VASN: variants seen among roughly 807,000 people sequenced by gnomAD.
The protein encoded by VASN is vasorin.
VASN carries 5 observed loss-of-function variants against 4.8 expected under a neutral mutation model. The ratio of observed to expected loss-of-function variants is 1.03; its 90% confidence interval spans 0.54 to 2.17. The LOEUF is 2.17. Among genes scored for constraint, VASN ranks in the 30% most tolerant of loss-of-function variants. VASN has a pLI of 0.01. For missense variants in VASN, 927 were observed against 948.8 expected (o/e 0.98, Z 0.30); for synonymous variants, 499 against 460.8 (o/e 1.08, Z -1.06).
chr16:4,377,031 C>T (rs975493182), intron 1 of VASN, among the ~76,000 whole-genome samples: 19 of 152,160 alleles, frequency 1.2e-4, no homozygotes, highest in Admixed American at 6.5e-4. Context: ...ACAGGCACCA[C>T]GAGCACCACG....
rs984952949 is a variant in VASN, at chr16:4,374,449, C to T, written c.-10+2456C>T. On this transcript the variant is annotated intron_variant, in intron 1 of 1. Transcript: ENST00000304735. ...GTTATTCTTCAGGGTTCGGGACGGC[C>T]CCCACCAGACTCTTCGTGGGGAATG... Among the ~76,000 whole-genome samples the T allele has an allele frequency of 4.6e-5, 7 of 152,196 alleles. No homozygotes were observed. In the South Asian group the frequency reaches 1.5e-3, roughly 32 times the overall value.
chr16:4,380,410 G>T, intron 1 of VASN, among the ~76,000 whole-genome samples: 1 of 152,248 alleles, frequency 6.6e-6, no homozygotes, highest in South Asian at 2.1e-4. Context: ...ACGGAGCGTG[G>T]CAGCAGGAGC....
chr16:4,374,086 CGT>C (rs112578905), intron 1 of VASN, among the ~76,000 whole-genome samples: 33 of 148,674 alleles, frequency 2.2e-4, no homozygotes, highest in South Asian at 6.4e-4. Context: ...GGAGGGTGCA[CGT>C]GTGTGTGTGT....
rs1315054344 is a variant in VASN at position 4,382,125 on chromosome 16, T to G, written c.1248T>G (p.Asn416Lys). The change falls in exon 2 of 2, where the codon AAT becomes AAG. Residue 416 changes from asparagine to lysine, a missense_variant. Physicochemically the swap from Asn to Lys is moderately conservative, Grantham distance 94. Coordinates refer to ENST00000304735, the MANE Select transcript of VASN (RefSeq NM_138440.3). ...PQDCPPSTCL[N>K]GGTCHLGTRH... ...ACTGCCCACCGTCCACCTGCCTCAA[T>G]GGGGGCACATGCCACCTGGGGACAC... The G allele has an allele frequency of 1.9e-6, 3 of 1,588,726 alleles. No individual in the cohort carries two copies. The highest frequency in any genetic ancestry group is 1.7e-6 in the Non-Finnish European group (2 of 1,168,028).
Position 4,382,619 on chromosome 16 carries a change from CCCTGGCCGCGGTGCT to C in VASN, c.1753_1767del (p.Val585_Ala589del), listed in dbSNP as rs745554472. On this transcript the variant is annotated inframe_deletion, in exon 2 of 2. Transcript: ENST00000304735. The stretch of plus-strand genomic sequence containing the variant: ...AACCTGCCGCTCCTCATTGCGCCCG[CCCTGGCCGCGGTGCT>C]CCTGGCCGCGCTGGCTGCGGTGGGG... 35 of 1,577,958 alleles carry C rather than the reference CCCTGGCCGCGGTGCT, an allele frequency of 2.2e-5. No homozygotes were observed. Among genetic ancestry groups the C allele is most frequent in the South Asian group, 3.5e-5 (3 of 86,870 alleles).
chr16:4,379,426 A>T (rs2054872085), intron 1 of VASN, among the ~76,000 whole-genome samples: 1 of 151,960 alleles, frequency 6.6e-6, no homozygotes, highest in Non-Finnish European at 1.5e-5. Flanking sequence ...TAAGATCTGG[A>T]GCCTGGAGCG....
Position 4,383,052 on chromosome 16 carries a change from A to G in VASN, c.*153A>G, listed in dbSNP as rs995105135. On this transcript the variant is annotated 3_prime_UTR_variant, in exon 2 of 2. Transcript: ENST00000304735. The stretch of plus-strand genomic sequence containing the variant: ...CACAGCTGGGCCCTGTTCCCTCTGG[A>G]CCTCGGTCTCCTCATCTGTGAGATG... The G allele has an allele frequency of 5.2e-5, 43 of 833,962 alleles. No homozygotes were observed. The highest frequency in any genetic ancestry group is 6.6e-5 in the Non-Finnish European group (37 of 558,898). 51.7% of individuals were successfully genotyped at this position (833,962 alleles called of 1,614,324 possible). A position where few individuals can be genotyped will look rare whatever the true frequency, so the allele number is the denominator to read the frequency against.
intron 1 of VASN, among the ~76,000 whole-genome samples, chr16:4,376,290 C>T (rs1364682113): frequency 6.6e-6 from 1 of 152,216 alleles, no homozygotes; most frequent in African/African-American, 2.4e-5. Flanking sequence ...GCCAGCCGTC[C>T]TGGCCGCCGG....
rs139029570 is a variant in VASN at position 4,377,446 on chromosome 16, C to T, written c.-9-3423C>T. On this transcript the variant is annotated intron_variant, in intron 1 of 1. Transcript: ENST00000304735. ...AGCACACGCCCAGACCCCAGGCGGGCGGGACAGCTCCCAGAACTTGTTAAA... is the reference window on the plus strand; with the variant it reads ...AGCACACGCCCAGACCCCAGGCGGGTGGGACAGCTCCCAGAACTTGTTAAA... 2.0e-3 allele frequency among the ~76,000 whole-genome samples: 307 copies of T among 152,184 alleles called. 2 individuals carry two copies. Among genetic ancestry groups the T allele is most frequent in the African/African-American group, 6.8e-3 (283 of 41,492 alleles).
chr16:4,378,581 AG>A (rs1442176790), intron 1 of VASN, among the ~76,000 whole-genome samples: 2 of 152,070 alleles, frequency 1.3e-5, no homozygotes, highest in Non-Finnish European at 2.9e-5. Context: ...AGAGAAGGCT[AG>A]GGGTGTGGCC....
chr16:4,383,221 T>A lies in VASN; in HGVS notation c.*322T>A, dbSNP rs2055066253. 2 of 327,208 alleles carry A rather than the reference T, an allele frequency of 6.1e-6. No individual in the cohort carries two copies. The highest frequency in any genetic ancestry group is 1.2e-5 in the Non-Finnish European group (2 of 171,744). 20.3% of individuals were successfully genotyped at this position (327,208 alleles called of 1,614,324 possible). On this transcript the variant is annotated 3_prime_UTR_variant, in exon 2 of 2. Transcript: ENST00000304735. ...AACGCATGCCTGGGCCCTGCTGGGC[T>A]CTCCCACTCCAGGCGGACCCTGGGG...
chr16:4,382,083 T>C lies in VASN; in HGVS notation c.1206T>C (p.Pro402=), dbSNP rs1481919834. ...PPSTAPPTVG[P]VPQPQDCPPS... is the part of the protein sequence containing the mutation. ...CCACTGCCCCACCGACTGTAGGGCC[T>C]GTCCCCCAGCCCCAGGACTGCCCAC... Residue 402 remains proline (P), a synonymous_variant, in exon 2 of 2, where the codon CCT becomes CCC. Transcript: ENST00000304735. The C allele has an allele frequency of 1.9e-6, 3 of 1,583,442 alleles. No individual in the cohort carries two copies. Among genetic ancestry groups the C allele is most frequent in the Non-Finnish European group, 2.6e-6 (3 of 1,166,448 alleles).
chr16:4,376,149 G>A (rs2141229023), intron 1 of VASN, among the ~76,000 whole-genome samples: 1 of 152,294 alleles, frequency 6.6e-6, no homozygotes, highest in East Asian at 1.9e-4. Flanking sequence ...AGCCCTCTCT[G>A]CCCCTTCTGT....
intron 1 of VASN, 116 bp from the exon 2 acceptor site, chr16:4,380,753 G>A: frequency 8.4e-7 from 1 of 1,183,720 alleles, no homozygotes; most frequent in African/African-American, 1.5e-5. Context: ...CATAACCATT[G>A]GGTTCTCTTG....
At position 4,382,516 on chromosome 16, in the gene VASN, G is replaced by C; in HGVS notation, c.1639G>C (p.Glu547Gln). ...PLGPGRVPEGEEACGEAHTPP... is the reference protein window; with the variant it reads ...PLGPGRVPEGQEACGEAHTPP... ...GGGGCCCGGGCGGGTGCCGGAGGGC[G>C]AGGAGGCCTGCGGGGAGGCCCATAC... Residue 547 changes from glutamate to glutamine, a missense_variant, in exon 2 of 2, where the codon GAG (glutamate) becomes CAG (glutamine). Transcript: ENST00000304735. The C allele has an allele frequency of 6.3e-7, 1 of 1,592,422 alleles. No homozygotes were observed. Among genetic ancestry groups the C allele is most frequent in the Non-Finnish European group, 8.5e-7 (1 of 1,169,934 alleles).
At chr16:4,374,647 T>C (rs567262947) in intron 1 of VASN, among the ~76,000 whole-genome samples, 7 of 152,282 alleles carry the variant, frequency 4.6e-5, no homozygotes, top group African/African-American at 1.7e-4. Context: ...TGTGGTTCAG[T>C]GGCCAGGTCC....
At chr16:4,380,493 T>C (rs2054918718) in intron 1 of VASN, among the ~76,000 whole-genome samples, 1 of 152,230 alleles carries the variant, frequency 6.6e-6, no homozygotes, top group Non-Finnish European at 1.5e-5. Context: ...TTCCAGACCC[T>C]GTAGGGAGGA....
intron 1 of VASN, among the ~76,000 whole-genome samples, chr16:4,376,497 A>G (rs758454025): frequency 1.6e-4 from 24 of 152,098 alleles, no homozygotes; most frequent in South Asian, 1.0e-3. Context: ...CAGACTGTCT[A>G]TCTGTCTGTC....
chr16:4,374,924 G>A (rs1370439113), intron 1 of VASN, among the ~76,000 whole-genome samples: 1 of 152,104 alleles, frequency 6.6e-6, no homozygotes. Flanking sequence ...CTTACTAGAT[G>A]GGTGCTTGCC....
Sources: allele counts gnomAD v4.1 joint callset (sites outside exome capture counted in the v4.1 genomes callset), GRCh38; gene constraint gnomAD v4.1.1; transcripts MANE v1.5; gene names NCBI Gene and HGNC (gene_info 2026-07-23, HGNC 2026-07-21).